The following LRP2 variants were observed in gnomAD, a reference collection of about 807,000 sequenced individuals.
LRP2 encodes the protein low-density lipoprotein receptor-related protein 2.
In LRP2, 172 loss-of-function variants were observed where a neutral mutation model predicts 531.0. That is an observed-to-expected ratio of 0.32 (90% confidence interval 0.29 to 0.37). The LOEUF is 0.37. LRP2 is among the 10% of genes least tolerant of loss of function. The pLI is 1.00. For synonymous variants in LRP2, 1,992 were observed against 2,027.6 expected (o/e 0.98, Z 0.47); for missense variants, 5,167 against 5,868.3 (o/e 0.88, Z 3.90).
At position 169,209,480 on chromosome 2, in the gene LRP2, G is replaced by A. The variant is rs774074912; in HGVS notation, c.6442C>T (p.Arg2148Trp). Residue 2148 changes from arginine to tryptophan, a missense_variant, in exon 38 of 79, where the codon CGG becomes TGG. Coordinates refer to ENST00000649046, the MANE Select transcript of LRP2 (RefSeq NM_004525.3). ...VTHGIGENGV[R>W]GIAVDWVAGN... The stretch of plus-strand genomic sequence containing the variant: ...GCTACCCAATCCACTGCAATACCCC[G>A]GACTCCATTTTCTCCTATTCCATGT... 3.1e-6 allele frequency: 5 copies of A among 1,613,908 alleles called. No individual in the cohort carries two copies. The highest frequency in any genetic ancestry group is 2.2e-5 in the South Asian group (2 of 91,066).
chr2:169,148,010 C>T (rs1285511539), intron 68 of LRP2, among the ~76,000 whole-genome samples: 1 of 152,106 alleles, frequency 6.6e-6, no homozygotes, highest in Non-Finnish European at 1.5e-5. Flanking sequence ...ATTTGGCCCA[C>T]CAGCCGCTGC....
intron 1 of LRP2, among the ~76,000 whole-genome samples, chr2:169,352,322 C>T (rs770820591): frequency 2.0e-5 from 3 of 152,128 alleles, no homozygotes; most frequent in Non-Finnish European, 4.4e-5. Flanking sequence ...AAGGAGGTGG[C>T]CAGGAATGAG....
chr2:169,337,715 A>T (rs1050661051), intron 1 of LRP2, among the ~76,000 whole-genome samples: 28 of 152,224 alleles, frequency 1.8e-4, no homozygotes, highest in African/African-American at 6.5e-4. Context: ...CAAAAGATTC[A>T]TCCATTCCAC....
chr2:169,307,680 T>C (rs899125218), intron 3 of LRP2, among the ~76,000 whole-genome samples: 1 of 152,156 alleles, frequency 6.6e-6, no homozygotes, highest in Non-Finnish European at 1.5e-5. Flanking sequence ...AAAAGTTTAA[T>C]GAAATAAAAA....
intron 1 of LRP2, among the ~76,000 whole-genome samples, chr2:169,321,307 CA>C (rs1684901386): frequency 6.6e-6 from 1 of 151,930 alleles, no homozygotes; most frequent in Non-Finnish European, 1.5e-5. Flanking sequence ...AAATGTCCAA[CA>C]ATAAAAGGAT....
chr2:169,190,534 G>A (rs1574114015), intron 48 of LRP2, among the ~76,000 whole-genome samples: 1 of 152,110 alleles, frequency 6.6e-6, no homozygotes, highest in South Asian at 2.1e-4. Context: ...GCCTGTTGAT[G>A]AGCTGCCTGC....
In LRP2 at chr2:169,185,825, T is replaced by G. The variant is rs749641536; in HGVS notation, c.9523A>C (p.Ile3175Leu). 6.2e-7 allele frequency: 1 copy of G among 1,614,006 alleles called. No individual in the cohort carries two copies. ...AGGTAGCCTGGGGCACACTTACAGA[T>G]GTAGGAGCCTATTACATTCTCACAC... The part of the protein sequence containing the change: ...QKCENVIGSY[I>L]CKCAPGYLRE... The change falls in exon 50 of 79, where the codon ATC (isoleucine) becomes CTC (leucine). Residue 3175 changes from isoleucine to leucine, a missense_variant. Ile to Leu is a conservative substitution (Grantham distance 5). Coordinates refer to ENST00000649046, the MANE Select transcript of LRP2 (RefSeq NM_004525.3).
rs831017 is a variant in LRP2, at chr2:169,288,916, G to A, written c.1042+110C>T. 617,097 of 1,544,814 alleles carry A rather than the reference G, an allele frequency of 0.4. 125,555 individuals carry two copies. The highest frequency in any genetic ancestry group is 0.55 in the Admixed American group (33,023 of 59,574). On this transcript the variant is annotated intron_variant, in intron 9 of 78. Transcript: ENST00000649046. Reference sequence around the variant, plus strand: ...TGAGGTCTGGGTTGCTCTTTGTTATGACAGACCATGACGACTCTCCACAAG... The same window carrying A: ...TGAGGTCTGGGTTGCTCTTTGTTATAACAGACCATGACGACTCTCCACAAG...
Position 169,210,904 on chromosome 2 carries a change from T to A in LRP2, c.6280+1064A>T, listed in dbSNP as rs886756395. Among the ~76,000 whole-genome samples the A allele has an allele frequency of 2.6e-5, 4 of 152,198 alleles. No homozygotes were observed. In the South Asian group the frequency reaches 8.3e-4, roughly 32 times the overall value. On this transcript the variant is annotated intron_variant, in intron 37 of 78. Coordinates refer to ENST00000649046, the MANE Select transcript of LRP2 (RefSeq NM_004525.3). ...GCATATGCATGTACACACACACACA[T>A]ACAAATTGAGAGCTCAAATGTGAAG...
intron 27 of LRP2, 139 bp from the exon 28 acceptor site, chr2:169,237,426 T>C (rs1250909856): frequency 1.5e-6 from 1 of 675,208 alleles, no homozygotes. Context: ...TGTCTCCTCA[T>C]GTAGCTAACC....
rs778481151 is a variant in LRP2, at chr2:169,207,094, T to C, written c.6626A>G (p.Tyr2209Cys). ...PKNRYLFWAD[Y>C]GQRPKIERSF... The stretch of plus-strand genomic sequence containing the variant: ...ACGCTCAATCTTTGGTCTCTGCCCA[T>C]AGTCAGCCCAGAAGAGGTATCTGTT... Residue 2209 changes from tyrosine (Y) to cysteine (C), a missense_variant, in exon 39 of 79, where the codon TAT becomes TGT. By Grantham distance (194) the Tyr-to-Cys change is radical. This residue lies in a region of LRP2 where 2,811 missense variants were observed against 3,058.0 expected (regional missense o/e 0.92). Coordinates refer to ENST00000649046, the MANE Select transcript of LRP2 (RefSeq NM_004525.3). 3 of 1,613,150 alleles carry C rather than the reference T, an allele frequency of 1.9e-6. No homozygotes were observed. Among genetic ancestry groups the C allele is most frequent in the South Asian group, 2.2e-5 (2 of 90,966 alleles).
At position 169,270,933 on chromosome 2, in the gene LRP2, A is replaced by G. The variant is rs752750657; in HGVS notation, c.2291T>C (p.Met764Thr). The G allele has an allele frequency of 6.2e-7, 1 of 1,613,202 alleles. No homozygotes were observed. The highest frequency in any genetic ancestry group is 1.3e-5 in the African/African-American group (1 of 74,950). The change falls in exon 16 of 79, where the codon ATG becomes ACG. Residue 764 changes from methionine (M) to threonine (T), a missense_variant. Coordinates refer to ENST00000649046, the MANE Select transcript of LRP2 (RefSeq NM_004525.3). ...TIFFSDMSKHMIFKQKIDGTG... is the reference protein window; with the variant it reads ...TIFFSDMSKHTIFKQKIDGTG... ...GCCATCAATCTTTTGCTTAAAAATC[A>G]TGTGTTTTGACATATCTGAAAAAAA...
intron 31 of LRP2, among the ~76,000 whole-genome samples, chr2:169,228,848 G>A (rs1689296509): frequency 6.6e-6 from 1 of 152,192 alleles, no homozygotes; most frequent in African/African-American, 2.4e-5. Context: ...AAGACAACAG[G>A]TGGCGCAGGG....
intron 68 of LRP2, among the ~76,000 whole-genome samples, chr2:169,149,453 G>A (rs990949730): frequency 1.3e-5 from 2 of 152,218 alleles, no homozygotes; most frequent in African/African-American, 4.8e-5. Context: ...GCCTTAGGCA[G>A]TGAAACCCTT....
chr2:169,294,827 A>T, intron 4 of LRP2, 117 bp from the exon 5 acceptor site: 1 of 684,368 alleles, frequency 1.5e-6, no homozygotes, highest in Non-Finnish European at 2.6e-6. Context: ...AAATGCATAT[A>T]TTGATACACA....
intron 53 of LRP2, among the ~76,000 whole-genome samples, chr2:169,177,420 TTATTTAG>T (rs1373707340): frequency 5.9e-5 from 9 of 152,334 alleles, no homozygotes; most frequent in African/African-American, 7.2e-5. Flanking sequence ...TCATATGCAT[TTATTTAG>T]TATTTAGTAT....
rs1244077068 is a variant in LRP2, at chr2:169,231,736, A to G, written c.5205T>C (p.Pro1735=). The G allele has an allele frequency of 1.2e-6, 2 of 1,614,116 alleles. No homozygotes were observed. The highest frequency in any genetic ancestry group is 1.7e-6 in the Non-Finnish European group (2 of 1,179,970). ...CVCPSGWSLS[P]DLLNCLRDDQ... is the part of the protein sequence containing the mutation. ...TACCTCTCAAGCAATTCAGGAGATC[A>G]GGAGACAGACTCCATCCTGAAGGAC... Residue 1735 remains proline, a synonymous_variant, in exon 31 of 79, where the codon CCT becomes CCC. Transcript: ENST00000649046.
intron 1 of LRP2, among the ~76,000 whole-genome samples, chr2:169,345,207 G>A (rs1003537265): frequency 6.6e-6 from 1 of 152,148 alleles, no homozygotes; most frequent in African/African-American, 2.4e-5. Flanking sequence ...CTCTTCAAGA[G>A]AGATTTCTTG....
rs1684475644 is a variant in LRP2, at chr2:169,308,050, G to A, written c.311-653C>T. ...TGTGAAAGCTATCCTGTAAATCTGA[G>A]GCAGGAATTACCATAACATGGTAAC... On this transcript the variant is annotated intron_variant, in intron 3 of 78. Transcript: ENST00000649046. Among the ~76,000 whole-genome samples the A allele has an allele frequency of 2.0e-5, 3 of 152,154 alleles. No homozygotes were observed. In the South Asian group the frequency reaches 6.2e-4, roughly 32 times the overall value.
Sources: allele counts gnomAD v4.1 joint callset (sites outside exome capture counted in the v4.1 genomes callset), GRCh38; gene constraint gnomAD v4.1.1; regional missense constraint gnomAD v4.1.1; transcripts MANE v1.5; gene names NCBI Gene and HGNC (gene_info 2026-07-23, HGNC 2026-07-21).